Variants in WASF2 observed in about 807,000 individuals in gnomAD.
WASF2 encodes the protein WASP family member 2.
WASF2 carries 14 observed loss-of-function variants against 45.0 expected under a neutral mutation model. The ratio of observed to expected loss-of-function variants is 0.31; its 90% confidence interval spans 0.21 to 0.49. The LOEUF (loss-of-function observed/expected upper bound fraction) is 0.49, where lower values mean the gene tolerates loss of function less well. Among genes scored for constraint, WASF2 ranks in the 20% least tolerant of loss-of-function variants. The probability of loss-of-function intolerance (pLI) is 0.99; values close to 1 mark genes in which losing one functional copy is unlikely to be tolerated. For missense variants in WASF2, 439 were observed against 636.1 expected (o/e 0.69, Z 3.33); for synonymous variants, 200 against 236.3 (o/e 0.85, Z 1.41).
intron 2 of WASF2, among the ~76,000 whole-genome samples, chr1:27,423,701 C>T (rs2016938575): frequency 6.6e-6 from 1 of 152,214 alleles, no homozygotes; most frequent in South Asian, 2.1e-4. Flanking sequence ...AACATTCATA[C>T]AGATACCACA....
Position 27,457,657 on chromosome 1 carries a change from G to A in WASF2, c.-43-28724C>T, listed in dbSNP as rs116144213. On this transcript the variant is annotated intron_variant, in intron 1 of 8. Coordinates refer to ENST00000618852, the MANE Select transcript of WASF2 (RefSeq NM_006990.5). ...TTTTTAAGAGACGGGGTCTTACTCT[G>A]TTGCCCAGGCTAGAGGGCTGTGGCT... is the stretch of plus-strand genomic sequence containing the variant. Among the ~76,000 whole-genome samples, 579 of 144,658 alleles carry A rather than the reference G, an allele frequency of 4.0e-3. 3 individuals are homozygous for A. The highest frequency in any genetic ancestry group is 0.014 in the African/African-American group (546 of 38,862). The allele number at this position is 144,658 out of a possible 152,430, so 94.9% of individuals were successfully genotyped here. A position where few individuals can be genotyped will look rare whatever the true frequency, so the allele number is the denominator to read the frequency against.
intron 2 of WASF2, among the ~76,000 whole-genome samples, chr1:27,427,227 T>C (rs2016998855): frequency 6.6e-6 from 1 of 152,228 alleles, no homozygotes; most frequent in African/African-American, 2.4e-5. Flanking sequence ...CAGATCAGCT[T>C]CCCCAAGATA....
chr1:27,488,867 T>C (rs2017983053), intron 1 of WASF2, among the ~76,000 whole-genome samples: 1 of 152,222 alleles, frequency 6.6e-6, no homozygotes, highest in South Asian at 2.1e-4. Context: ...CTGTGCGACC[T>C]TGGGCAAATT....
intron 1 of WASF2, among the ~76,000 whole-genome samples, chr1:27,431,623 C>T (rs1377955913): frequency 4.6e-5 from 7 of 152,178 alleles, no homozygotes; most frequent in African/African-American, 1.7e-4. Context: ...AAATGCTGTG[C>T]TGAATGTGAC....
At chr1:27,433,204 T>C (rs2017090204) in intron 1 of WASF2, among the ~76,000 whole-genome samples, 1 of 152,224 alleles carries the variant, frequency 6.6e-6, no homozygotes, top group African/African-American at 2.4e-5. Context: ...TGCTTCCAGC[T>C]GTGATCCTGG....
At position 27,439,964 on chromosome 1, in the gene WASF2, G is replaced by A. The variant is rs2017187595; in HGVS notation, c.-43-11031C>T. On this transcript the variant is annotated intron_variant, in intron 1 of 8. Transcript: ENST00000618852. ...GCAATGAGCCAAGATCCATGCCACT[G>A]CCCTCCAGCCTTTGAGACAGAATGA... Among the ~76,000 whole-genome samples the A allele has an allele frequency of 4.6e-5, 7 of 152,210 alleles. No individual in the cohort carries two copies. The South Asian group carries it at 1.4e-3, about 32-fold the overall frequency.
chr1:27,454,647 AT>A (rs1196883215), intron 1 of WASF2, among the ~76,000 whole-genome samples: 2 of 151,996 alleles, frequency 1.3e-5, no homozygotes, highest in Non-Finnish European at 2.9e-5. Context: ...CACTTTTAAA[AT>A]TTTTTTGTAG....
intron 1 of WASF2, among the ~76,000 whole-genome samples, chr1:27,478,599 T>G (rs1442910554): frequency 6.6e-6 from 1 of 152,202 alleles, no homozygotes; most frequent in Non-Finnish European, 1.5e-5. Flanking sequence ...TTCCTTTTTT[T>G]GAGATGGAGT....
intron 1 of WASF2, among the ~76,000 whole-genome samples, chr1:27,477,915 T>TAA (rs1557622528): frequency 3.5e-5 from 3 of 85,052 alleles, no homozygotes; most frequent in Middle Eastern, 6.0e-3. Flanking sequence ...AAAAAATAAA[T>TAA]AAATAAAAAA....
At chr1:27,472,227 A>G (rs935624852) in intron 1 of WASF2, among the ~76,000 whole-genome samples, 19 of 151,156 alleles carry the variant, frequency 1.3e-4, no homozygotes, top group Non-Finnish European at 2.8e-4. Flanking sequence ...TCTACTCGAG[A>G]GGCAGGAGAA....
chr1:27,415,402 C>G (rs891354803), intron 5 of WASF2, among the ~76,000 whole-genome samples: 1 of 152,164 alleles, frequency 6.6e-6, no homozygotes, highest in Non-Finnish European at 1.5e-5. Context: ...AGAATTTTTC[C>G]GCCTGTGCAG....
At chr1:27,427,498 G>A (rs901317352) in intron 2 of WASF2, among the ~76,000 whole-genome samples, 4 of 152,122 alleles carry the variant, frequency 2.6e-5, no homozygotes, top group African/African-American at 9.7e-5. Flanking sequence ...GTGCTTCCTC[G>A]TCAGCTGCAC....
chr1:27,404,238 T>A lies in WASF2; in HGVS notation c.*3951A>T, dbSNP rs1343548462. ...CAAACACCAGAGGTGGCTGAGTGGC[T>A]ACAAAGACTTTATCAAATTATTTTA... is the stretch of plus-strand genomic sequence containing the variant. On this transcript the variant is annotated 3_prime_UTR_variant, in exon 9 of 9. Transcript: ENST00000618852. 1 of 152,232 alleles carries A rather than the reference T, an allele frequency of 6.6e-6. No homozygotes were observed. Among genetic ancestry groups the A allele is most frequent in the Non-Finnish European group, 1.5e-5 (1 of 68,048 alleles). 9.4% of individuals were successfully genotyped at this position (152,232 alleles called of 1,614,324 possible).
chr1:27,436,928 C>T (rs1278460626), intron 1 of WASF2, among the ~76,000 whole-genome samples: 1 of 152,152 alleles, frequency 6.6e-6, no homozygotes, highest in Non-Finnish European at 1.5e-5. Flanking sequence ...AATGACACAC[C>T]AATTTTGTGC....
In WASF2 at chr1:27,454,357, AT is replaced by A. The variant is rs1230996245; in HGVS notation, c.-43-25425del. Among the ~76,000 whole-genome samples, 544 of 138,994 alleles carry A rather than the reference AT, an allele frequency of 3.9e-3. 4 individuals are homozygous for A. Among genetic ancestry groups the A allele is most frequent in the African/African-American group, 8.9e-3 (335 of 37,852 alleles). The allele number at this position is 138,994 out of a possible 152,430, so 91.2% of individuals were successfully genotyped here. On this transcript the variant is annotated intron_variant, in intron 1 of 8. Coordinates refer to ENST00000618852, the MANE Select transcript of WASF2 (RefSeq NM_006990.5). Reference sequence around the variant, plus strand: ...AAGCGTGTGCCACCATGCCCAACTAATTTTTTTTTTTTTTGAGACTGTTTTC... The same window carrying A: ...AAGCGTGTGCCACCATGCCCAACTAATTTTTTTTTTTTTGAGACTGTTTTC...
intron 1 of WASF2, among the ~76,000 whole-genome samples, chr1:27,471,735 A>G (rs1258139522): frequency 2.0e-5 from 3 of 152,246 alleles, no homozygotes; most frequent in Admixed American, 6.5e-5. Flanking sequence ...TCAGGAAGGC[A>G]GAAAGAGAAC....
chr1:27,449,521 C>A (rs1373030884), intron 1 of WASF2, among the ~76,000 whole-genome samples: 6 of 151,528 alleles, frequency 4.0e-5, no homozygotes, highest in Non-Finnish European at 5.9e-5. Context: ...ATCACCTGAA[C>A]CCAGGAGGCG....
rs534844090 is a variant in WASF2, at chr1:27,416,646, C to T, written c.420-544G>A. On this transcript the variant is annotated intron_variant, in intron 4 of 8. Coordinates refer to ENST00000618852, the MANE Select transcript of WASF2 (RefSeq NM_006990.5). Reference sequence around the variant, plus strand: ...TGCACACACAGAAAACCAACCACAGCACTCCACCTTCTTGCTCCCTTCTAG... The same window carrying T: ...TGCACACACAGAAAACCAACCACAGTACTCCACCTTCTTGCTCCCTTCTAG... 3.9e-5 allele frequency among the ~76,000 whole-genome samples: 6 copies of T among 152,348 alleles called. No homozygotes were observed. In the East Asian group the frequency reaches 9.6e-4, roughly 24 times the overall value.
chr1:27,451,609 G>A (rs879929778), intron 1 of WASF2, among the ~76,000 whole-genome samples: 3 of 152,294 alleles, frequency 2.0e-5, no homozygotes, highest in Admixed American at 2.0e-4. Flanking sequence ...CTCTCTGGCA[G>A]CAGTATGGAG....
Sources: allele counts gnomAD v4.1 joint callset (sites outside exome capture counted in the v4.1 genomes callset), GRCh38; gene constraint gnomAD v4.1.1; transcripts MANE v1.5; gene names NCBI Gene and HGNC (gene_info 2026-07-23, HGNC 2026-07-21).